The following RBFOX1 variants were observed in gnomAD, a reference collection of about 807,000 sequenced individuals.
RBFOX1 encodes the protein RNA binding fox-1 homolog 1, also known as RNA binding protein fox-1 homolog 1.
Under a neutral mutation model 57.7 loss-of-function variants are expected in RBFOX1, and 8 were observed. That is an observed-to-expected ratio of 0.14 (90% CI 0.08 to 0.25). RBFOX1 has a LOEUF of 0.25. Among genes scored for constraint, RBFOX1 ranks in the 10% least tolerant of loss-of-function variants. The pLI is 1.00. For synonymous variants in RBFOX1, 326 were observed against 222.4 expected (o/e 1.47, Z -4.15); for missense variants, 611 against 548.5 (o/e 1.11, Z -1.14).
At chr16:6,765,185 G>A (rs979965374) in intron 3 of RBFOX1, among the ~76,000 whole-genome samples, 1 of 152,094 alleles carries the variant, frequency 6.6e-6, no homozygotes, top group African/African-American at 2.4e-5. Context: ...AATGCAGCAC[G>A]TGGTAAGGGA....
chr16:6,296,437 T>TTC (rs56729357), intron 1 of RBFOX1, among the ~76,000 whole-genome samples: 24 of 151,368 alleles, frequency 1.6e-4, no homozygotes, highest in Non-Finnish European at 2.2e-4. Context: ...TTTTTTTTTT[T>TTC]CGAGGTGGAG....
chr16:5,553,617 G>A (rs550650576), intron 2 of RBFOX1, among the ~76,000 whole-genome samples: 29 of 151,396 alleles, frequency 1.9e-4, no homozygotes, highest in African/African-American at 6.8e-4. Flanking sequence ...GCCCAGCCAT[G>A]TCTGAATATT....
chr16:7,064,161 CTTTTTTTTTTT>C (rs869135535), intron 4 of RBFOX1, among the ~76,000 whole-genome samples: 1 of 96,830 alleles, frequency 1.0e-5, no homozygotes, highest in East Asian at 3.2e-4. Flanking sequence ...GACTGGTGTT[CTTTTTTTTTTT>C]TTTTTTTTTT....
Position 6,385,674 on chromosome 16 carries a change from A to G in RBFOX1, c.-64+68617A>G, listed in dbSNP as rs554587476. Among the ~76,000 whole-genome samples, 5 of 152,358 alleles carry G rather than the reference A, an allele frequency of 3.3e-5. No individual in the cohort carries two copies. The South Asian group carries it at 1.0e-3, about 32-fold the overall frequency. Reference sequence around the variant, plus strand: ...CATCTTTAAAATGGACACAATAACAAACCTACTTTCTAACACTATTGGGAG... The same window carrying G: ...CATCTTTAAAATGGACACAATAACAGACCTACTTTCTAACACTATTGGGAG... On this transcript the variant is annotated intron_variant, in intron 2 of 15. Coordinates refer to ENST00000550418, the MANE Select transcript of RBFOX1 (RefSeq NM_018723.4).
At chr16:5,483,504 C>G (rs1316817108) in intron 2 of RBFOX1, among the ~76,000 whole-genome samples, 1 of 152,194 alleles carries the variant, frequency 6.6e-6, no homozygotes, top group African/African-American at 2.4e-5. Context: ...TATTTCCACA[C>G]CCTTCTGATT....
chr16:5,559,991 C>T (rs1567230932), intron 2 of RBFOX1, among the ~76,000 whole-genome samples: 1 of 152,174 alleles, frequency 6.6e-6, no homozygotes, highest in Admixed American at 6.5e-5. Flanking sequence ...ATCCGTCTCC[C>T]TAACCAGCAT....
At chr16:7,697,703 C>G (rs1196047044) in intron 14 of RBFOX1, among the ~76,000 whole-genome samples, 1 of 152,152 alleles carries the variant, frequency 6.6e-6, no homozygotes, top group Non-Finnish European at 1.5e-5. Context: ...AACCCTTCCC[C>G]TGGGTCACAC....
intron 3 of RBFOX1, among the ~76,000 whole-genome samples, chr16:6,858,899 C>T (rs1344933014): frequency 1.3e-5 from 2 of 151,716 alleles, no homozygotes; most frequent in South Asian, 2.1e-4. Context: ...ACTACAGTAT[C>T]ATGTGGTCAG....
chr16:7,150,185 C>G (rs76101711), intron 4 of RBFOX1, among the ~76,000 whole-genome samples: 1 of 152,244 alleles, frequency 6.6e-6, no homozygotes, highest in Non-Finnish European at 1.5e-5. Flanking sequence ...ACATGCACAT[C>G]CGAAGGACAA....
intron 1 of RBFOX1, among the ~76,000 whole-genome samples, chr16:5,456,076 A>G (rs1379837553): frequency 3.9e-5 from 6 of 152,164 alleles, no homozygotes; most frequent in Non-Finnish European, 8.8e-5. Context: ...AGAAATAAAG[A>G]CAACTAATGA....
chr16:7,231,406 A>C (rs541404041), intron 4 of RBFOX1, among the ~76,000 whole-genome samples: 2 of 152,294 alleles, frequency 1.3e-5, no homozygotes, highest in African/African-American at 4.8e-5. Context: ...AGCTGTGTTC[A>C]CTGCAACACA....
chr16:6,004,368 A>T (rs1325926141), intron 4 of RBFOX1, among the ~76,000 whole-genome samples: 1 of 152,188 alleles, frequency 6.6e-6, no homozygotes, highest in African/African-American at 2.4e-5. Context: ...TATCCATTGC[A>T]TAGAGTCATA....
intron 4 of RBFOX1, among the ~76,000 whole-genome samples, chr16:7,231,753 C>T (rs1026166712): frequency 1.3e-5 from 2 of 152,152 alleles, no homozygotes; most frequent in South Asian, 2.1e-4. Context: ...CATGCTACAA[C>T]GTGGATGGAC....
intron 3 of RBFOX1, among the ~76,000 whole-genome samples, chr16:5,717,693 A>G (rs2051763458): frequency 6.6e-6 from 1 of 152,198 alleles, no homozygotes; most frequent in Non-Finnish European, 1.5e-5. Context: ...CCAGTATATC[A>G]TTTCAACACA....
intron 2 of RBFOX1, among the ~76,000 whole-genome samples, chr16:6,518,837 ATCTATCTATCTG>A (rs139400835): frequency 0.044 from 5,794 of 132,370 alleles, 260 homozygotes; most frequent in African/African-American, 0.13. Flanking sequence ...CTATCTATCT[ATCTATCTATCTG>A]TCTTCCTGCA....
chr16:6,694,857 G>T (rs28676280), intron 3 of RBFOX1, among the ~76,000 whole-genome samples: 1 of 151,912 alleles, frequency 6.6e-6, no homozygotes, highest in African/African-American at 2.4e-5. Context: ...GTCCAGCCCC[G>T]GAGCCCTGGG....
chr16:7,150,139 G>C (rs2075833960), intron 4 of RBFOX1, among the ~76,000 whole-genome samples: 1 of 152,088 alleles, frequency 6.6e-6, no homozygotes, highest in South Asian at 2.1e-4. Flanking sequence ...TTCATGGTCT[G>C]TTGATGTTTC....
intron 3 of RBFOX1, among the ~76,000 whole-genome samples, chr16:5,782,471 C>T (rs1050240587): frequency 3.9e-5 from 6 of 152,196 alleles, no homozygotes; most frequent in Non-Finnish European, 8.8e-5. Context: ...AAACCATCAC[C>T]TCCCAACACT....
chr16:6,742,109 G>C (rs769514669), intron 3 of RBFOX1, among the ~76,000 whole-genome samples: 3 of 152,094 alleles, frequency 2.0e-5, no homozygotes, highest in Non-Finnish European at 4.4e-5. Flanking sequence ...AATATATACA[G>C]TTATTATTGT....
Sources: gnomAD v4.1 joint callset for allele counts (sites outside exome capture counted in the v4.1 genomes callset) on GRCh38, gnomAD v4.1.1 for gene constraint, MANE v1.5 for transcripts, NCBI Gene and HGNC (gene_info 2026-07-23, HGNC 2026-07-21) for gene names.